The following PTPRD variants were observed in gnomAD, a reference collection of about 807,000 sequenced individuals.
PTPRD encodes receptor-type tyrosine-protein phosphatase delta.
A neutral mutation model predicts 214.5 loss-of-function variants in PTPRD; 34 were observed. The ratio of observed to expected loss-of-function variants is 0.16; its 90% CI spans 0.12 to 0.21. The LOEUF is 0.21. Ranked by LOEUF, PTPRD falls within the 10% of genes least tolerant of loss-of-function variation. The pLI is 1.00. For missense variants in PTPRD, 2,545 were observed against 2,398.7 expected (o/e 1.06, Z -1.27); for synonymous variants, 1,128 against 845.7 (o/e 1.33, Z -5.79).
At chr9:9,583,575 C>T (rs2091308125) in intron 7 of PTPRD, among the ~76,000 whole-genome samples, 1 of 152,132 alleles carries the variant, frequency 6.6e-6, no homozygotes, top group Middle Eastern at 3.4e-3. Context: ...TTATAGATAA[C>T]TACGCATTTA....
At chr9:10,276,009 G>A (rs1370131778) in intron 3 of PTPRD, among the ~76,000 whole-genome samples, 1 of 152,128 alleles carries the variant, frequency 6.6e-6, no homozygotes, top group Non-Finnish European at 1.5e-5. Flanking sequence ...AAATTTTCAG[G>A]TATCTTGTCC....
rs1396414381 is a variant in PTPRD, at chr9:8,563,967, C to T, written c.353-35188G>A. On this transcript the variant is annotated intron_variant, in intron 14 of 45. Coordinates refer to ENST00000381196, the MANE Select transcript of PTPRD (RefSeq NM_002839.4). The stretch of plus-strand genomic sequence containing the variant: ...AGGCGTGAGGCATTGCAACCGGCCT[C>T]GGCATACAATTTTCAAACTTTAGAC... 5.3e-5 allele frequency among the ~76,000 whole-genome samples: 8 copies of T among 152,074 alleles called. No homozygotes were observed. In the South Asian group the frequency reaches 6.2e-4, roughly 12 times the overall value.
intron 14 of PTPRD, among the ~76,000 whole-genome samples, chr9:8,620,545 G>A (rs1161335534): frequency 1.3e-5 from 2 of 151,992 alleles, no homozygotes; most frequent in African/African-American, 4.8e-5. Context: ...AATGCAATGA[G>A]AGGAGATAGA....
intron 10 of PTPRD, among the ~76,000 whole-genome samples, chr9:9,068,282 G>C (rs1118283): frequency 0.34 from 50,920 of 151,958 alleles, 9,020 homozygotes; most frequent in South Asian, 0.41. Flanking sequence ...ACAGTGTTTA[G>C]CTACTAGAAA....
chr9:10,332,783 C>G (rs569799058), intron 3 of PTPRD, among the ~76,000 whole-genome samples: 1 of 151,854 alleles, frequency 6.6e-6, no homozygotes, highest in South Asian at 2.1e-4. Flanking sequence ...AAGAGTCTGT[C>G]TTTTTAACCA....
chr9:10,582,085 T>C (rs1055149633), intron 2 of PTPRD, among the ~76,000 whole-genome samples: 5 of 152,180 alleles, frequency 3.3e-5, no homozygotes, highest in Admixed American at 2.0e-4. Flanking sequence ...GTCAGGTGCT[T>C]CTTGGCAGTC....
At position 8,793,257 on chromosome 9, in the gene PTPRD, A is replaced by G. The variant is rs866325269; in HGVS notation, c.-103-59311T>C. The stretch of plus-strand genomic sequence containing the variant: ...TTGGCTCTTACTCTCTCTTCCTTTG[A>G]TCACTCATTTTGGAATAAGCCAGCT... On this transcript the variant is annotated intron_variant, in intron 11 of 45. Transcript: ENST00000381196. 4.0e-5 allele frequency among the ~76,000 whole-genome samples: 6 copies of G among 150,364 alleles called. No homozygotes were observed. The Middle Eastern group carries it at 0.01, about 257-fold the overall frequency.
chr9:10,585,036 C>T (rs2073443816), intron 2 of PTPRD, among the ~76,000 whole-genome samples: 1 of 152,044 alleles, frequency 6.6e-6, no homozygotes, highest in African/African-American at 2.4e-5. Context: ...ATCTCACCTC[C>T]ATTTCAGTCA....
At chr9:9,484,218 A>C (rs1237957256) in intron 8 of PTPRD, among the ~76,000 whole-genome samples, 1 of 152,098 alleles carries the variant, frequency 6.6e-6, no homozygotes, top group Admixed American at 6.6e-5. Flanking sequence ...GCAAAAAAAA[A>C]ATAACAAATG....
At chr9:9,937,952 A>C (rs2090150935) in intron 5 of PTPRD, among the ~76,000 whole-genome samples, 1 of 152,198 alleles carries the variant, frequency 6.6e-6, no homozygotes, top group South Asian at 2.1e-4. Flanking sequence ...AGAGTGGATC[A>C]TAACTGGAAT....
intron 2 of PTPRD, among the ~76,000 whole-genome samples, chr9:10,584,705 C>A (rs1250466736): frequency 6.6e-6 from 1 of 152,074 alleles, no homozygotes; most frequent in Non-Finnish European, 1.5e-5. Context: ...AGAAATAAGT[C>A]GCTGAGACAA....
chr9:8,702,984 A>C (rs1277547846), intron 12 of PTPRD, among the ~76,000 whole-genome samples: 1 of 152,200 alleles, frequency 6.6e-6, no homozygotes, highest in Non-Finnish European at 1.5e-5. Flanking sequence ...TACTGAATCA[A>C]CTGGATTGAC....
chr9:10,174,248 G>A (rs888486013), intron 3 of PTPRD, among the ~76,000 whole-genome samples: 6 of 152,088 alleles, frequency 3.9e-5, no homozygotes, highest in African/African-American at 1.4e-4. Context: ...TGGGTCCTGG[G>A]GGAGGATAAC....
chr9:8,965,632 A>G (rs10977407), intron 11 of PTPRD, among the ~76,000 whole-genome samples: 59,278 of 151,930 alleles, frequency 0.39, 12,174 homozygotes, highest in East Asian at 0.51. Flanking sequence ...AGTAAGGAAG[A>G]TTCCTTAAAA....
At chr9:9,420,481 T>C (rs1247474623) in intron 8 of PTPRD, among the ~76,000 whole-genome samples, 3 of 151,928 alleles carry the variant, frequency 2.0e-5, no homozygotes, top group Non-Finnish European at 4.4e-5. Flanking sequence ...ACTGCCATTA[T>C]ATTTTAAAAT....
At chr9:8,841,278 G>A (rs180912400) in intron 11 of PTPRD, among the ~76,000 whole-genome samples, 31 of 152,294 alleles carry the variant, frequency 2.0e-4, no homozygotes, top group Admixed American at 1.4e-3. Context: ...AATGTTCCAC[G>A]CTTTTGTGGA....
chr9:9,159,022 A>C (rs1012845135), intron 10 of PTPRD, among the ~76,000 whole-genome samples: 1 of 152,248 alleles, frequency 6.6e-6, no homozygotes, highest in Admixed American at 6.5e-5. Flanking sequence ...TTTCATAATA[A>C]AATCTAATAG....
chr9:10,540,900 A>G (rs753202618), intron 2 of PTPRD, among the ~76,000 whole-genome samples: 18 of 152,186 alleles, frequency 1.2e-4, no homozygotes, highest in Non-Finnish European at 2.2e-4. Flanking sequence ...CAGAGGCCAA[A>G]GAATGAAATA....
chr9:10,054,670 C>G (rs1293695619), intron 3 of PTPRD, among the ~76,000 whole-genome samples: 1 of 152,054 alleles, frequency 6.6e-6, no homozygotes, highest in Non-Finnish European at 1.5e-5. Context: ...AGTCTAACTT[C>G]AATATGCAGG....
Sources: gnomAD v4.1 joint callset for allele counts (sites outside exome capture counted in the v4.1 genomes callset) on GRCh38, gnomAD v4.1.1 for gene constraint, MANE v1.5 for transcripts, NCBI Gene and HGNC (gene_info 2026-07-23, HGNC 2026-07-21) for gene names.